ZNF483: variants seen among roughly 807,000 people sequenced by gnomAD.
The protein encoded by ZNF483 is zinc finger protein HIT-10.
In ZNF483, 9 loss-of-function variants were observed where a neutral mutation model predicts 28.6. The ratio of observed to expected loss-of-function variants is 0.32; its 90% CI spans 0.19 to 0.55. The LOEUF is 0.55. Among genes scored for constraint, ZNF483 ranks in the 20% least tolerant of loss-of-function variants. ZNF483 has a pLI of 0.93. For synonymous variants in ZNF483, 322 were observed against 306.2 expected (o/e 1.05, Z -0.54); for missense variants, 675 against 871.7 (o/e 0.77, Z 2.84).
At chr9:111,577,075 A>T (rs1308547678) in exon 6 of ZNF483, 1 of 151,410 alleles carries the variant, frequency 6.6e-6, no homozygotes, top group African/African-American at 2.4e-5. Context: ...TGGATGACAG[A>T]GCAAAAAACT....
In ZNF483 at chr9:111,561,185, G is replaced by A. The variant is rs533074774; in HGVS notation, c.722-15180G>A. 1.6e-3 allele frequency among the ~76,000 whole-genome samples: 231 copies of A among 145,482 alleles called. 3 individuals are homozygous for A. The highest frequency in any genetic ancestry group is 5.6e-3 in the African/African-American group (218 of 39,166). ...AGAGAGAGAGAGAGAGAGAAAGAGA[G>A]AGAGATTCTTCCTGTCCAAGAGTAT... On this transcript the variant is annotated intron_variant, in intron 5 of 5. Transcript: ENST00000358151.
intron 5 of ZNF483, chr9:111,574,237 C>T (rs1828956356): frequency 1.3e-5 from 2 of 152,168 alleles, no homozygotes; most frequent in Admixed American, 6.5e-5. Flanking sequence ...CTTTTAATAA[C>T]TGTTTCTTTT....
rs111820702 is a variant in ZNF483 at position 111,544,348 on chromosome 9, A to ATG, written c.*1202_*1203dup. ...TAACAATTTGCTTGGGTGTGTGTGC[A>ATG]TGTGTGTGTGTGTGTGTGTGTGTGT... On this transcript the variant is annotated 3_prime_UTR_variant, in exon 6 of 6. Coordinates refer to ENST00000309235, the MANE Select transcript of ZNF483 (RefSeq NM_133464.5). 0.15 allele frequency: 138,305 copies of ATG among 941,846 alleles called. 3,169 individuals are homozygous for ATG. The highest frequency in any genetic ancestry group is 0.19 in the African/African-American group (10,461 of 55,402). 58.3% of individuals were successfully genotyped at this position (941,846 alleles called of 1,614,324 possible).
Position 111,544,347 on chromosome 9 carries a change from CATGTGTGT to C in ZNF483, c.*1178_*1185del, listed in dbSNP as rs1025122666. 9.4e-6 allele frequency: 8 copies of C among 851,138 alleles called. No homozygotes were observed. Among genetic ancestry groups the C allele is most frequent in the African/African-American group, 2.5e-5 (1 of 40,330 alleles). 52.7% of individuals were successfully genotyped at this position (851,138 alleles called of 1,614,324 possible). A position where few individuals can be genotyped will look rare whatever the true frequency, so the allele number is the denominator to read the frequency against. ...ATAACAATTTGCTTGGGTGTGTGTG[CATGTGTGT>C]GTGTGTGTGTGTGTGTGTATACATT... is the stretch of plus-strand genomic sequence containing the variant. On this transcript the variant is annotated 3_prime_UTR_variant, in exon 6 of 6. Coordinates refer to ENST00000309235, the MANE Select transcript of ZNF483 (RefSeq NM_133464.5).
At chr9:111,573,411 C>G (rs527606041) in intron 5 of ZNF483, among the ~76,000 whole-genome samples, 55 of 152,136 alleles carry the variant, frequency 3.6e-4, no homozygotes, top group Non-Finnish European at 6.2e-4. Flanking sequence ...CCTTTCTAGC[C>G]CCCCCATCTC....
chr9:111,542,387 A>T lies in ZNF483; in HGVS notation c.1452A>T (p.Pro484=). The T allele has an allele frequency of 6.2e-7, 1 of 1,614,020 alleles. No homozygotes were observed. The highest frequency in any genetic ancestry group is 8.5e-7 in the Non-Finnish European group (1 of 1,179,998). The change falls in exon 6 of 6, where the codon CCA becomes CCT. Residue 484 remains proline (P), a synonymous_variant. Transcript: ENST00000309235. This position sits in a 1 kb window ranked among gnomAD's most constrained non-coding sequence, Gnocchi z 6.2. Reference sequence around the variant, plus strand: ...TTAGTGATAGTTCATCGCTCACACCACATCATAGAACTCATAGTGGAGAGA... The same window carrying T: ...TTAGTGATAGTTCATCGCTCACACCTCATCATAGAACTCATAGTGGAGAGA... ...KAFSDSSSLT[P]HHRTHSGEKP...
chr9:111,540,330 G>T (rs562902829), intron 5 of ZNF483, among the ~76,000 whole-genome samples: 8 of 152,228 alleles, frequency 5.3e-5, no homozygotes, highest in Non-Finnish European at 1.2e-4. Context: ...ATATGATTTT[G>T]AGTAATTTTG....
At position 111,560,944 on chromosome 9, in the gene ZNF483, AATATATATAT is replaced by A. The variant is rs746101013; in HGVS notation, c.722-15399_722-15390del. 5.7e-3 allele frequency among the ~76,000 whole-genome samples: 177 copies of A among 31,154 alleles called. 2 individuals are homozygous for A. The highest frequency in any genetic ancestry group is 0.02 in the East Asian group (16 of 798). 20.4% of individuals were successfully genotyped at this position (31,154 alleles called of 152,430 possible). A position where few individuals can be genotyped will look rare whatever the true frequency, so the allele number is the denominator to read the frequency against. On this transcript the variant is annotated intron_variant, in intron 5 of 5. Coordinates refer to the ZNF483 transcript ENST00000358151. ...GGCAACAGAGTGAGACTCCATCTAA[AATATATATAT>A]ATATATATATATATATATATAGAGA...
intron 5 of ZNF483, chr9:111,574,991 G>T: frequency 1.6e-6 from 1 of 616,870 alleles, no homozygotes. Flanking sequence ...ACTGCAGTTA[G>T]AAAAAGACAT....
At chr9:111,567,213 G>C (rs927241384) in intron 5 of ZNF483, among the ~76,000 whole-genome samples, 3 of 152,112 alleles carry the variant, frequency 2.0e-5, no homozygotes, top group African/African-American at 7.2e-5. Context: ...TTTTGAGATG[G>C]AGTTGTACTC....
At chr9:111,569,419 A>G (rs1206473507) in intron 5 of ZNF483, among the ~76,000 whole-genome samples, 1 of 152,224 alleles carries the variant, frequency 6.6e-6, no homozygotes, top group African/African-American at 2.4e-5. Context: ...TATTTCCCAT[A>G]GCCAAGTGAG....
rs768876161 is a variant in ZNF483 at position 111,542,453 on chromosome 9, A to G, written c.1518A>G (p.Leu506=). Residue 506 remains leucine, a synonymous_variant, in exon 6 of 6, where the codon CTA becomes CTG. Coordinates refer to ENST00000309235, the MANE Select transcript of ZNF483 (RefSeq NM_133464.5). The surrounding 1 kb of genome is among the most constrained non-coding windows in gnomAD (Gnocchi z 6.2). ...ATGACTGTGGGAAAGGTTTCACCCTAAGTGCTCACCTCATTAAACATCAGA... is the reference window on the plus strand; with the variant it reads ...ATGACTGTGGGAAAGGTTTCACCCTGAGTGCTCACCTCATTAAACATCAGA... ...KCDDCGKGFT[L]SAHLIKHQRI... 4.3e-6 allele frequency: 7 copies of G among 1,614,044 alleles called. No homozygotes were observed. The highest frequency in any genetic ancestry group is 5.9e-6 in the Non-Finnish European group (7 of 1,180,014).
In ZNF483 at chr9:111,562,238, A is replaced by T. The variant is rs1034558921; in HGVS notation, c.722-14127A>T. Among the ~76,000 whole-genome samples, 3 of 151,302 alleles carry T rather than the reference A, an allele frequency of 2.0e-5. No individual in the cohort carries two copies. In the South Asian group the frequency reaches 6.2e-4, roughly 31 times the overall value. On this transcript the variant is annotated intron_variant, in intron 5 of 5. Coordinates refer to the ZNF483 transcript ENST00000358151. Reference sequence around the variant, plus strand: ...AGATGTTATTATCCTCACTTTAAAGATGAAAAATCAGAAGTCTAAGGTCAC... The same window carrying T: ...AGATGTTATTATCCTCACTTTAAAGTTGAAAAATCAGAAGTCTAAGGTCAC...
Position 111,544,228 on chromosome 9 carries a change from A to C in ZNF483, c.*1058A>C, listed in dbSNP as rs538661383. 3.0e-6 allele frequency: 3 copies of C among 985,424 alleles called. No individual in the cohort carries two copies. The African/African-American group carries it at 5.2e-5, about 17-fold the overall frequency. The allele number at this position is 985,424 out of a possible 1,614,324, so 61.0% of individuals were successfully genotyped here. A position where few individuals can be genotyped will look rare whatever the true frequency, so the allele number is the denominator to read the frequency against. The stretch of plus-strand genomic sequence containing the variant: ...CTATTCTGGATGGATTTTGGTTTGC[A>C]AAAATTCTACTTTAAAACAATTTTG... On this transcript the variant is annotated 3_prime_UTR_variant, in exon 6 of 6. Coordinates refer to ENST00000309235, the MANE Select transcript of ZNF483 (RefSeq NM_133464.5).
rs540240885 is a variant in ZNF483, at chr9:111,551,299, G to A, written c.*8129G>A. On this transcript the variant is annotated 3_prime_UTR_variant, in exon 6 of 6. Transcript: ENST00000309235. ...TAACTCACATTTAGATTTATAAAAC[G>A]TAGAGTTGATAAGTAGATTCACATA... Among the ~76,000 whole-genome samples the A allele has an allele frequency of 8.6e-5, 13 of 151,096 alleles. No homozygotes were observed. The highest frequency in any genetic ancestry group is 1.6e-4 in the Non-Finnish European group (11 of 67,854).
rs116541102 is a variant in ZNF483, at chr9:111,547,540, T to C, written c.*4370T>C. Among the ~76,000 whole-genome samples the C allele has an allele frequency of 0.014, 2,056 of 152,278 alleles. 54 individuals carry two copies. Among genetic ancestry groups the C allele is most frequent in the African/African-American group, 0.047 (1,943 of 41,570 alleles). On this transcript the variant is annotated 3_prime_UTR_variant, in exon 6 of 6. Transcript: ENST00000309235. Reference sequence around the variant, plus strand: ...AGAAGTTCTTAATATATCCAGAATATATAAAGAACTTTTCAGATAAATGAT... The same window carrying C: ...AGAAGTTCTTAATATATCCAGAATACATAAAGAACTTTTCAGATAAATGAT...
At position 111,542,210 on chromosome 9, in the gene ZNF483, C is replaced by T; in HGVS notation, c.1275C>T (p.Ala425=). 2.5e-6 allele frequency: 4 copies of T among 1,613,970 alleles called. No homozygotes were observed. The South Asian group carries it at 3.3e-5, about 13-fold the overall frequency. The change falls in exon 6 of 6, where the codon GCC becomes GCT. Residue 425 remains alanine (A), a synonymous_variant. Transcript: ENST00000309235. This position sits in a 1 kb window ranked among gnomAD's most constrained non-coding sequence, Gnocchi z 6.2. The part of the protein sequence containing the change: ...KCRKDSCQEA[A]LNKDEGNESG... The stretch of plus-strand genomic sequence containing the variant: ...GGAAAGATTCATGTCAAGAAGCAGC[C>T]TTAAATAAAGATGAGGGAAATGAGA...
rs527553902 is a variant in ZNF483, at chr9:111,561,148, G to GGAGA, written c.722-15190_722-15187dup. Among the ~76,000 whole-genome samples, 97 of 34,840 alleles carry GGAGA rather than the reference G, an allele frequency of 2.8e-3. 2 individuals are homozygous for GGAGA. The highest frequency in any genetic ancestry group is 0.016 in the South Asian group (14 of 876). 22.9% of individuals were successfully genotyped at this position (34,840 alleles called of 152,430 possible). On this transcript the variant is annotated intron_variant, in intron 5 of 5. Transcript: ENST00000358151. ...AGAGAGAGAGAGAGAGGAGAGAGAG[G>GGAGA]GAGAGAGAGAGAGAGAGAGAGAGAG... is the stretch of plus-strand genomic sequence containing the variant.
intron 5 of ZNF483, chr9:111,574,858 A>C: frequency 6.4e-7 from 1 of 1,565,696 alleles, no homozygotes; most frequent in South Asian, 1.1e-5. Flanking sequence ...CAGATAGCAA[A>C]GACAAAATGT....
Sources: allele counts gnomAD v4.1 joint callset (sites outside exome capture counted in the v4.1 genomes callset), GRCh38; gene constraint gnomAD v4.1.1; non-coding constraint Gnocchi (gnomAD v3.1); transcripts MANE v1.5; gene names NCBI Gene and HGNC (gene_info 2026-07-23, HGNC 2026-07-21).